Variants in DCDC2 observed in about 807,000 individuals in gnomAD.
The protein encoded by DCDC2 is doublecortin domain containing 2.
In DCDC2, 40 loss-of-function variants were observed where a neutral mutation model predicts 50.2. That is an observed-to-expected ratio of 0.80 (90% CI 0.62 to 1.04). The LOEUF (loss-of-function observed/expected upper bound fraction) is 1.04, where lower values mean the gene tolerates loss of function less well. Ranked by LOEUF, DCDC2 falls within the 50% of genes least tolerant of loss-of-function variation. The pLI, the probability that DCDC2 is intolerant of heterozygous loss-of-function variation, is 0.00. For missense variants in DCDC2, 570 were observed against 581.9 expected (o/e 0.98, Z 0.21); for synonymous variants, 234 against 210.6 (o/e 1.11, Z -0.96).
At chr6:24,246,486 T>C (rs1762676370) in intron 7 of DCDC2, among the ~76,000 whole-genome samples, 1 of 123,570 alleles carries the variant, frequency 8.1e-6, no homozygotes, top group South Asian at 3.0e-4. Context: ...TTTCTTTTTT[T>C]TTTTTTTTTT....
At chr6:24,374,539 A>T in the DCDC2 span, among the ~76,000 whole-genome samples, 2 of 131,026 alleles carry the variant, frequency 1.5e-5, no homozygotes, top group African/African-American at 5.8e-5. Context: ...AGATCAGGCC[A>T]CTGCACTCCA....
At chr6:24,316,848 T>A (rs1759676544) in intron 2 of DCDC2, among the ~76,000 whole-genome samples, 1 of 152,038 alleles carries the variant, frequency 6.6e-6, no homozygotes, top group African/African-American at 2.4e-5. Context: ...CAGTATATAT[T>A]GCTATCAAAA....
intron 2 of DCDC2, among the ~76,000 whole-genome samples, chr6:24,349,422 CAAG>C (rs1760323567): frequency 6.6e-6 from 1 of 152,088 alleles, no homozygotes; most frequent in African/African-American, 2.4e-5. Flanking sequence ...GGTAGGAAAA[CAAG>C]AAGAGAGGAA....
intron 7 of DCDC2, among the ~76,000 whole-genome samples, chr6:24,231,612 T>C (rs918962108): frequency 2.0e-5 from 3 of 152,010 alleles, no homozygotes; most frequent in African/African-American, 7.3e-5. Context: ...TGTCAATACT[T>C]AGGAAACCTT....
At chr6:24,331,324 A>G (rs1172359653) in intron 2 of DCDC2, among the ~76,000 whole-genome samples, 1 of 151,322 alleles carries the variant, frequency 6.6e-6, no homozygotes, top group Non-Finnish European at 1.5e-5. Context: ...ATTCAGAGAC[A>G]GAGTCTTGCT....
chr6:24,267,191 A>G (rs1335824507), intron 7 of DCDC2, among the ~76,000 whole-genome samples: 2 of 152,186 alleles, frequency 1.3e-5, no homozygotes, highest in Non-Finnish European at 2.9e-5. Context: ...GAGATGGTTA[A>G]TGGGTACAAA....
At chr6:24,264,211 C>A in intron 7 of DCDC2, among the ~76,000 whole-genome samples, 1 of 152,124 alleles carries the variant, frequency 6.6e-6, no homozygotes, top group East Asian at 1.9e-4. Context: ...CAATACCAGA[C>A]CTATCTTACA....
intron 6 of DCDC2, 82 bp from the exon 7 acceptor site, chr6:24,278,293 T>C (rs1472845561): frequency 7.6e-7 from 1 of 1,320,794 alleles, no homozygotes; most frequent in African/African-American, 1.5e-5. Flanking sequence ...CATTAACTAC[T>C]GGTAAGCAGG....
chr6:24,250,480 T>A (rs1762773676), intron 7 of DCDC2, among the ~76,000 whole-genome samples: 1 of 152,210 alleles, frequency 6.6e-6, no homozygotes, highest in Non-Finnish European at 1.5e-5. Context: ...TTCTTCCTTA[T>A]GGCAATGAAA....
chr6:24,378,235 A>G, the DCDC2 span, among the ~76,000 whole-genome samples: 12 of 152,214 alleles, frequency 7.9e-5, no homozygotes, highest in South Asian at 2.1e-4. Flanking sequence ...TGCTCTGTCC[A>G]GATCCACTGG....
chr6:24,201,981 T>A (rs1459153507), intron 8 of DCDC2, among the ~76,000 whole-genome samples: 1 of 151,818 alleles, frequency 6.6e-6, no homozygotes, highest in Non-Finnish European at 1.5e-5. Context: ...ATTCTGAAAT[T>A]GAGGCAGTAA....
At chr6:24,269,461 ATATAAT>A (rs1763192548) in intron 7 of DCDC2, among the ~76,000 whole-genome samples, 1 of 152,254 alleles carries the variant, frequency 6.6e-6, no homozygotes, top group Non-Finnish European at 1.5e-5. Context: ...ATTGATAAAG[ATATAAT>A]TATGACTATT....
rs1306992881 is a variant in DCDC2, at chr6:24,291,098, C to A, written c.558-20G>T. The A allele has an allele frequency of 1.9e-6, 3 of 1,599,638 alleles. No homozygotes were observed. The highest frequency in any genetic ancestry group is 1.7e-6 in the Non-Finnish European group (2 of 1,175,414). ...TAAAGCCTGTCGAAAATATGAACACCAACAATTAGAATTTTAACCAACATT... is the reference window on the plus strand; with the variant it reads ...TAAAGCCTGTCGAAAATATGAACACAAACAATTAGAATTTTAACCAACATT... On this transcript the variant is annotated intron_variant, in intron 4 of 9. Transcript: ENST00000378454.
chr6:24,181,536 C>A (rs748363543), intron 8 of DCDC2, among the ~76,000 whole-genome samples: 1 of 152,114 alleles, frequency 6.6e-6, no homozygotes, highest in Non-Finnish European at 1.5e-5. Context: ...TTTCTATACA[C>A]TAACAATGAA....
At chr6:24,344,395 TTTA>T (rs1760218811) in intron 2 of DCDC2, among the ~76,000 whole-genome samples, 2 of 152,234 alleles carry the variant, frequency 1.3e-5, no homozygotes, top group South Asian at 2.1e-4. Flanking sequence ...TTTCTAAACA[TTTA>T]TTAACTTTCT....
intron 7 of DCDC2, among the ~76,000 whole-genome samples, chr6:24,277,300 A>C (rs1314071366): frequency 6.6e-6 from 1 of 152,136 alleles, no homozygotes; most frequent in Non-Finnish European, 1.5e-5. Flanking sequence ...AGGGGATCTC[A>C]GGGCAAGAGG....
At chr6:24,200,397 C>G (rs1306395763) in intron 8 of DCDC2, among the ~76,000 whole-genome samples, 1 of 152,140 alleles carries the variant, frequency 6.6e-6, no homozygotes, top group East Asian at 1.9e-4. Flanking sequence ...ATTTTCATAT[C>G]CAGGCAAACT....
intron 1 of DCDC2, among the ~76,000 whole-genome samples, chr6:24,355,368 C>T (rs1255155936): frequency 2.0e-5 from 3 of 151,878 alleles, no homozygotes; most frequent in Non-Finnish European, 4.4e-5. Flanking sequence ...TTCAGAGATT[C>T]TGAACCAGAC....
intron 2 of DCDC2, among the ~76,000 whole-genome samples, chr6:24,344,721 T>G (rs917340303): frequency 2.0e-5 from 3 of 152,130 alleles, no homozygotes; most frequent in Non-Finnish European, 4.4e-5. Flanking sequence ...TCCATACACA[T>G]CCATACACAC....
Sources: allele counts gnomAD v4.1 joint callset (sites outside exome capture counted in the v4.1 genomes callset), GRCh38; gene constraint gnomAD v4.1.1; transcripts MANE v1.5; gene names NCBI Gene and HGNC (gene_info 2026-07-23, HGNC 2026-07-21).